GLMN: variants seen among roughly 807,000 people sequenced by gnomAD.
The protein encoded by GLMN is glomulin.
GLMN carries 75 observed loss-of-function variants against 87.8 expected under a neutral mutation model. The ratio of observed to expected loss-of-function variants is 0.85; its 90% CI spans 0.71 to 1.04. The LOEUF (loss-of-function observed/expected upper bound fraction) is 1.04. Ranked by LOEUF, GLMN falls within the 50% of genes least tolerant of loss-of-function variation. GLMN has a pLI of 0.00. For missense variants in GLMN, 588 were observed against 658.8 expected, an observed-to-expected ratio of 0.89 and a Z score of 1.18; for synonymous variants, 206 against 221.6, an observed-to-expected ratio of 0.93 and a Z score of 0.63.
intron 8 of GLMN, 132 bp from the exon 9 acceptor site, chr1:92,269,908 A>G: frequency 3.1e-6 from 2 of 655,142 alleles, no homozygotes; most frequent in Non-Finnish European, 5.5e-6. Context: ...CTAGTACCTC[A>G]GAATTTGACC....
chr1:92,266,568 A>C, intron 12 of GLMN, 76 bp from the exon 13 acceptor site: 1 of 1,010,448 alleles, frequency 9.9e-7, no homozygotes, highest in Non-Finnish European at 1.5e-6. Flanking sequence ...CATTTTATGC[A>C]TGTAATACAT....
rs768547045 is a variant in GLMN, at chr1:92,263,766, T to C, written c.1300-34A>G. 6 of 911,440 alleles carry C rather than the reference T, an allele frequency of 6.6e-6. No individual in the cohort carries two copies. In the East Asian group the frequency reaches 1.2e-4, roughly 18 times the overall value. 56.5% of individuals were successfully genotyped at this position (911,440 alleles called of 1,614,324 possible). On this transcript the variant is annotated intron_variant, in intron 14 of 18. Transcript: ENST00000370360. ...CAAACGAAAAATTGAGAAAGCTTTA[T>C]AATTCATGTAATTCATGTGTTTTTC...
At chr1:92,262,081 G>C (rs1655123614) in intron 16 of GLMN, among the ~76,000 whole-genome samples, 1 of 152,138 alleles carries the variant, frequency 6.6e-6, no homozygotes, top group Non-Finnish European at 1.5e-5. Flanking sequence ...CTATAGATCT[G>C]TCAGGAAGGA....
the GLMN span, among the ~76,000 whole-genome samples, chr1:92,305,026 T>G: frequency 6.6e-6 from 1 of 151,926 alleles, no homozygotes; most frequent in African/African-American, 2.4e-5. Context: ...TCCCAGCTAC[T>G]CAGAAAGCTG....
chr1:92,275,807 T>C (rs1253458702), intron 7 of GLMN, among the ~76,000 whole-genome samples: 1 of 152,216 alleles, frequency 6.6e-6, no homozygotes, highest in Non-Finnish European at 1.5e-5. Context: ...CCAGTTTCTG[T>C]GTATTTCTAC....
At position 92,259,614 on chromosome 1, in the gene GLMN, T is replaced by C. The variant is rs561442500; in HGVS notation, c.1473+3249A>G. Among the ~76,000 whole-genome samples the C allele has an allele frequency of 3.3e-5, 5 of 152,304 alleles. No individual in the cohort carries two copies. The East Asian group carries it at 7.7e-4, about 23-fold the overall frequency. On this transcript the variant is annotated intron_variant, in intron 16 of 18. Transcript: ENST00000370360. The stretch of plus-strand genomic sequence containing the variant: ...GTGTGTCTGCTTTTCATCTGACTAA[T>C]TACCCTCTTAGCACACTTAAGTGCT...
At chr1:92,356,034 T>G in the GLMN span, among the ~76,000 whole-genome samples, 1,092 of 152,342 alleles carry the variant, frequency 7.2e-3, 12 homozygotes, top group African/African-American at 0.025. Context: ...GTAAATTAAT[T>G]TTTTAAATGT....
At chr1:92,361,712 A>G in the GLMN span, among the ~76,000 whole-genome samples, 2 of 152,216 alleles carry the variant, frequency 1.3e-5, no homozygotes, top group South Asian at 2.1e-4. Flanking sequence ...TTAACAAAAA[A>G]CAAAGTTAGA....
Position 92,291,408 on chromosome 1 carries a change from G to A in GLMN, c.285+10C>T. On this transcript the variant is annotated intron_variant, in intron 4 of 18. Coordinates refer to ENST00000370360, the MANE Select transcript of GLMN (RefSeq NM_053274.3). ...GTTATGATAAAGAGAACCTTGTTTT[G>A]TTAACTTACCTTTACCAATAAATCA... 6.5e-7 allele frequency: 1 copy of A among 1,547,684 alleles called. No homozygotes were observed.
intron 16 of GLMN, among the ~76,000 whole-genome samples, chr1:92,255,474 A>C (rs1250661828): frequency 2.0e-5 from 3 of 152,148 alleles, no homozygotes; most frequent in African/African-American, 7.2e-5. Flanking sequence ...AGCACCACAC[A>C]GCACTTATTC....
intron 18 of GLMN, 83 bp downstream of exon 18, chr1:92,246,979 T>C: frequency 1.3e-6 from 1 of 797,544 alleles, no homozygotes; most frequent in Non-Finnish European, 2.2e-6. Flanking sequence ...GCCACAATCA[T>C]GCCACTGCAC....
the GLMN span, among the ~76,000 whole-genome samples, chr1:92,364,540 C>T: frequency 2.0e-5 from 3 of 151,986 alleles, no homozygotes; most frequent in Non-Finnish European, 4.4e-5. Flanking sequence ...TGGATATCTC[C>T]CAAGCATTTC....
the GLMN span, chr1:92,323,923 G>T: frequency 1.9e-6 from 3 of 1,614,136 alleles, no homozygotes; most frequent in South Asian, 3.3e-5. Flanking sequence ...GAAAAGTGCA[G>T]AGCATTTTAA....
intron 11 of GLMN, among the ~76,000 whole-genome samples, chr1:92,267,136 A>C (rs1655729834): frequency 6.6e-6 from 1 of 152,204 alleles, no homozygotes; most frequent in Non-Finnish European, 1.5e-5. Context: ...ATTTCCTTGG[A>C]TATCATAACT....
At chr1:92,338,244 T>C in the GLMN span, among the ~76,000 whole-genome samples, 1 of 152,204 alleles carries the variant, frequency 6.6e-6, no homozygotes, top group South Asian at 2.1e-4. Flanking sequence ...ATTTTTACCC[T>C]CATTAGGTGT....
At chr1:92,255,434 C>G (rs185464876) in intron 16 of GLMN, among the ~76,000 whole-genome samples, 1 of 152,306 alleles carries the variant, frequency 6.6e-6, no homozygotes, top group Non-Finnish European at 1.5e-5. Flanking sequence ...GAACTCTCCA[C>G]CCCAAATCAA....
the GLMN span, chr1:92,320,617 G>C: frequency 3.1e-6 from 5 of 1,610,654 alleles, no homozygotes; most frequent in Non-Finnish European, 4.2e-6. Context: ...ATTTTCAACT[G>C]CTAAAGGAAG....
intron 16 of GLMN, among the ~76,000 whole-genome samples, chr1:92,252,325 T>A (rs1042164870): frequency 1.3e-5 from 2 of 151,996 alleles, no homozygotes; most frequent in East Asian, 3.9e-4. Context: ...GTACAGGAGG[T>A]TGTTATTGCA....
At chr1:92,263,959 A>G (rs1655321872) in intron 14 of GLMN, among the ~76,000 whole-genome samples, 1 of 152,234 alleles carries the variant, frequency 6.6e-6, no homozygotes, top group African/African-American at 2.4e-5. Flanking sequence ...TCAGAAACAG[A>G]AGAGACTTAA....
Sources: gnomAD v4.1 joint callset for allele counts (sites outside exome capture counted in the v4.1 genomes callset) on GRCh38, gnomAD v4.1.1 for gene constraint, MANE v1.5 for transcripts, NCBI Gene and HGNC (gene_info 2026-07-23, HGNC 2026-07-21) for gene names.